CLK4: variants seen among roughly 807,000 people sequenced by gnomAD.
CLK4 encodes CDC like kinase 4.
Under a neutral mutation model 64.4 loss-of-function variants are expected in CLK4, and 37 were observed. The observed-to-expected ratio is 0.57, with a 90% CI of 0.44 to 0.76. CLK4 has a LOEUF of 0.76. Ranked by LOEUF, CLK4 falls within the 30% of genes least tolerant of loss-of-function variation. CLK4 has a pLI of 0.00. For synonymous variants in CLK4, 175 were observed against 191.6 expected, an observed-to-expected ratio of 0.91 and a Z score of 0.72; for missense variants, 457 against 605.1, an observed-to-expected ratio of 0.76 and a Z score of 2.57.
chr5:178,612,951 G>T, intron 7 of CLK4, 61 bp from the exon 8 acceptor site: 1 of 838,440 alleles, frequency 1.2e-6, no homozygotes, highest in Non-Finnish European at 2.0e-6. Flanking sequence ...TACTAGGAGG[G>T]AAAGGAGGAC....
At chr5:178,616,721 G>A (rs924388581) in intron 5 of CLK4, among the ~76,000 whole-genome samples, 161 bp downstream of exon 5, 2 of 152,116 alleles carry the variant, frequency 1.3e-5, no homozygotes, top group Non-Finnish European at 2.9e-5. Context: ...ACTTGAAGCC[G>A]GGAGGCGGCA....
chr5:178,612,330 C>G, intron 9 of CLK4, 86 bp downstream of exon 9: 2 of 1,218,766 alleles, frequency 1.6e-6, no homozygotes, highest in Non-Finnish European at 2.3e-6. Flanking sequence ...CTGAGAAGAT[C>G]ATACTTCCCC....
chr5:178,614,322 GAGTCCTGAA>G (rs1764598045), intron 5 of CLK4, among the ~76,000 whole-genome samples: 1 of 152,176 alleles, frequency 6.6e-6, no homozygotes, highest in Admixed American at 6.5e-5. Flanking sequence ...ACACAGAACT[GAGTCCTGAA>G]AGATAGCTGG....
chr5:178,625,137 G>C (rs1764761083), intron 1 of CLK4, among the ~76,000 whole-genome samples: 1 of 152,156 alleles, frequency 6.6e-6, no homozygotes, highest in South Asian at 2.1e-4. Context: ...ACATTTACTT[G>C]AGGCAAAAGG....
At position 178,612,484 on chromosome 5, in the gene CLK4, G is replaced by T; in HGVS notation, c.983C>A (p.Thr328Lys). Reference sequence around the variant, plus strand: ...AGTACTGTGATGTTCATCATCATACGTTGCACTTCCAAAGTCAACAACTTT... The same window carrying T: ...AGTACTGTGATGTTCATCATCATACTTTGCACTTCCAAAGTCAACAACTTT... ...DIKVVDFGSA[T>K]YDDEHHSTLV... The change falls in exon 9 of 13, where the codon ACG becomes AAG. Residue 328 changes from threonine (T) to lysine (K), a missense_variant. Coordinates refer to ENST00000316308, the MANE Select transcript of CLK4 (RefSeq NM_020666.3). The T allele has an allele frequency of 6.2e-7, 1 of 1,613,920 alleles. No individual in the cohort carries two copies. The highest frequency in any genetic ancestry group is 8.5e-7 in the Non-Finnish European group (1 of 1,179,852).
chr5:178,615,844 G>A (rs1257280754), intron 5 of CLK4, among the ~76,000 whole-genome samples: 1 of 152,122 alleles, frequency 6.6e-6, no homozygotes, highest in Non-Finnish European at 1.5e-5. Context: ...GTAAAATGAG[G>A]CAGAAAGGGT....
intron 1 of CLK4, among the ~76,000 whole-genome samples, chr5:178,625,337 T>TC (rs1764763435): frequency 6.7e-6 from 1 of 148,776 alleles, no homozygotes; most frequent in Admixed American, 6.8e-5. Context: ...ACTGGGACAA[T>TC]CACTGGAGCC....
In CLK4 at chr5:178,627,008, G is replaced by C. The variant is rs902156128; in HGVS notation, c.-63C>G. The C allele has an allele frequency of 6.5e-6, 1 of 152,814 alleles. No homozygotes were observed. Among genetic ancestry groups the C allele is most frequent in the Non-Finnish European group, 1.5e-5 (1 of 68,188 alleles). 9.5% of individuals were successfully genotyped at this position (152,814 alleles called of 1,614,324 possible). A position where few individuals can be genotyped will look rare whatever the true frequency, so the allele number is the denominator to read the frequency against. Reference sequence around the variant, plus strand: ...CGCCAAACTGCCGTCTTCCCTCCTCGGCCGCTGCGACAAACACCCCACAAA... The same window carrying C: ...CGCCAAACTGCCGTCTTCCCTCCTCCGCCGCTGCGACAAACACCCCACAAA... On this transcript the variant is annotated 5_prime_UTR_variant, in exon 1 of 13. Coordinates refer to ENST00000316308, the MANE Select transcript of CLK4 (RefSeq NM_020666.3).
chr5:178,624,230 C>T (rs192159705), intron 1 of CLK4, among the ~76,000 whole-genome samples: 1 of 152,174 alleles, frequency 6.6e-6, no homozygotes. Context: ...TGCCTGTAAT[C>T]CCAGAATTTT....
At chr5:178,607,987 C>A (rs1180180562) in intron 10 of CLK4, among the ~76,000 whole-genome samples, 1 of 152,166 alleles carries the variant, frequency 6.6e-6, no homozygotes, top group African/African-American at 2.4e-5. Flanking sequence ...AAAATACAAT[C>A]CCTTGTTGTT....
intron 2 of CLK4, chr5:178,619,845 G>A: frequency 8.0e-7 from 1 of 1,246,690 alleles, no homozygotes; most frequent in Non-Finnish European, 1.1e-6. Context: ...TACCTGGGAT[G>A]AGTGTCCTCT....
chr5:178,626,460 C>T (rs747687081), intron 1 of CLK4, among the ~76,000 whole-genome samples: 2 of 152,240 alleles, frequency 1.3e-5, no homozygotes, highest in Non-Finnish European at 2.9e-5. Context: ...CTCCCGGCTC[C>T]TGGGCACCCG....
rs984992275 is a variant in CLK4 at position 178,608,305 on chromosome 5, CA to C, written c.1134+70del. 11 of 1,145,024 alleles carry C rather than the reference CA, an allele frequency of 9.6e-6. No individual in the cohort carries two copies. The African/African-American group carries it at 1.6e-4, about 16-fold the overall frequency. The allele number at this position is 1,145,024 out of a possible 1,614,324, so 70.9% of individuals were successfully genotyped here. A position where few individuals can be genotyped will look rare whatever the true frequency, so the allele number is the denominator to read the frequency against. ...TATGGCAATTTTCCAATATGGAAGT[CA>C]AAACTTTAGCATACCTTTAACGTTT... is the stretch of plus-strand genomic sequence containing the variant. On this transcript the variant is annotated intron_variant, in intron 10 of 12. Transcript: ENST00000316308.
In CLK4 at chr5:178,603,850, C is replaced by A. The variant is rs771231025; in HGVS notation, c.1299G>T (p.Pro433=). The stretch of plus-strand genomic sequence containing the variant: ...TTAATCTTTTTTCTTTTACCTTCAA[C>A]GGTTTGCAGCGTCTCCTAACATATC... ...AGRYVRRRCK[P]LKEFMLCHDE... is the part of the protein sequence containing the mutation. Residue 433 remains proline (P), a synonymous_variant, in exon 12 of 13, where the codon CCG becomes CCT. Transcript: ENST00000316308. 1 of 1,606,520 alleles carries A rather than the reference C, an allele frequency of 6.2e-7. No homozygotes were observed. Among genetic ancestry groups the A allele is most frequent in the South Asian group, 1.1e-5 (1 of 88,840 alleles).
chr5:178,614,467 T>C (rs889282786), intron 5 of CLK4, among the ~76,000 whole-genome samples: 1 of 152,250 alleles, frequency 6.6e-6, no homozygotes, highest in Non-Finnish European at 1.5e-5. Context: ...GGGAGGGCAG[T>C]GGGCTTTAGA....
chr5:178,617,629 G>C lies in CLK4; in HGVS notation c.385-195C>G. 4.2e-6 allele frequency: 2 copies of C among 472,060 alleles called. No homozygotes were observed. The highest frequency in any genetic ancestry group is 1.5e-4 in the South Asian group (2 of 13,256). 29.2% of individuals were successfully genotyped at this position (472,060 alleles called of 1,614,324 possible). On this transcript the variant is annotated intron_variant, in intron 3 of 12. Coordinates refer to ENST00000316308, the MANE Select transcript of CLK4 (RefSeq NM_020666.3). This position sits in a 1 kb window ranked among gnomAD's most constrained non-coding sequence, Gnocchi z 5.2. ...ACAGGGCACAGTTTATGTTACAGAA[G>C]AAAAACATGGCAAGGAACAGATTTT...
At position 178,624,692 on chromosome 5, in the gene CLK4, T is replaced by C. The variant is rs762378974; in HGVS notation, c.1-1276A>G. On this transcript the variant is annotated intron_variant, in intron 1 of 12. Transcript: ENST00000316308. ...TGGTAAAAAGAGAAGAATTTCACAA[T>C]TCAGCAAGGAGCTGAAAAAAGCTAA... 9.3e-4 allele frequency among the ~76,000 whole-genome samples: 142 copies of C among 152,338 alleles called. 1 individual carries two copies. Among genetic ancestry groups the C allele is most frequent in the Non-Finnish European group, 1.7e-3 (117 of 68,030 alleles).
At position 178,603,938 on chromosome 5, in the gene CLK4, C is replaced by CAA. The variant is rs754804771; in HGVS notation, c.1215-5_1215-4insTT. The CAA allele has an allele frequency of 2.7e-6, 4 of 1,467,682 alleles. No individual in the cohort carries two copies. Among genetic ancestry groups the CAA allele is most frequent in the African/African-American group, 1.5e-5 (1 of 66,002 alleles). The allele number at this position is 1,467,682 out of a possible 1,614,324, so 90.9% of individuals were successfully genotyped here. A position where few individuals can be genotyped will look rare whatever the true frequency, so the allele number is the denominator to read the frequency against. ...ATGGTGAAAATACTTGCGTTTTCTACAGAAAAAAAAAAAAAGTCTGGATTA... is the reference window on the plus strand; with the variant it reads ...ATGGTGAAAATACTTGCGTTTTCTACAAAGAAAAAAAAAAAAAGTCTGGATTA... On this transcript the variant is annotated splice_region_variant and splice_polypyrimidine_tract_variant and intron_variant, in intron 11 of 12. Transcript: ENST00000316308.
At chr5:178,607,253 G>A (rs545998759) in intron 10 of CLK4, among the ~76,000 whole-genome samples, 10 of 152,052 alleles carry the variant, frequency 6.6e-5, no homozygotes, top group African/African-American at 1.9e-4. Context: ...AATACCTTGC[G>A]AAGTCTTTTA....
Sources: gnomAD v4.1 joint callset for allele counts (sites outside exome capture counted in the v4.1 genomes callset) on GRCh38, gnomAD v4.1.1 for gene constraint, Gnocchi (gnomAD v3.1) non-coding constraint, MANE v1.5 for transcripts, NCBI Gene and HGNC (gene_info 2026-07-23, HGNC 2026-07-21) for gene names.